The following TTC27 variants were observed in gnomAD, a reference collection of about 807,000 sequenced individuals.
The protein encoded by TTC27 is tetratricopeptide repeat domain 27.
In TTC27, 79 loss-of-function variants were observed where a neutral mutation model predicts 115.9. The ratio of observed to expected loss-of-function variants is 0.68; its 90% confidence interval spans 0.57 to 0.82. The LOEUF (loss-of-function observed/expected upper bound fraction) is 0.82. Ranked by LOEUF, TTC27 falls within the 40% of genes least tolerant of loss-of-function variation. TTC27 has a pLI of 0.00. For missense variants in TTC27, 1,054 were observed against 993.1 expected (o/e 1.06, Z -0.82); for synonymous variants, 401 against 356.0 (o/e 1.13, Z -1.42).
At chr2:32,756,899 G>C (rs924528044) in intron 12 of TTC27, among the ~76,000 whole-genome samples, 2 of 152,196 alleles carry the variant, frequency 1.3e-5, no homozygotes, top group Admixed American at 6.5e-5. Context: ...TGGACATGGT[G>C]GTGGGAGGAA....
At chr2:32,731,600 A>G (rs936569088) in intron 10 of TTC27, among the ~76,000 whole-genome samples, 1 of 151,984 alleles carries the variant, frequency 6.6e-6, no homozygotes. Flanking sequence ...GCTGGTCTTG[A>G]ACTCCAGGGC....
chr2:32,653,907 G>GAA (rs1665225849), intron 5 of TTC27, among the ~76,000 whole-genome samples: 4 of 152,294 alleles, frequency 2.6e-5, no homozygotes, highest in Admixed American at 2.6e-4. Flanking sequence ...TGTAAACCTT[G>GAA]AGTTATCTAT....
chr2:32,761,641 T>A (rs1450564807), intron 13 of TTC27, among the ~76,000 whole-genome samples: 1 of 152,176 alleles, frequency 6.6e-6, no homozygotes, highest in Non-Finnish European at 1.5e-5. Context: ...CTGCCTGGAA[T>A]GTCCTTCTTC....
intron 12 of TTC27, 71 bp from the exon 13 acceptor site, chr2:32,758,221 T>A (rs1023848267): frequency 1.5e-6 from 2 of 1,354,182 alleles, no homozygotes; most frequent in East Asian, 4.6e-5. Flanking sequence ...AGATTAAAGA[T>A]GTATATGTGC....
At chr2:32,628,533 G>A (rs554249843) in intron 1 of TTC27, among the ~76,000 whole-genome samples, 153 bp downstream of exon 1, 1 of 152,122 alleles carries the variant, frequency 6.6e-6, no homozygotes, top group Non-Finnish European at 1.5e-5. Flanking sequence ...GACATGGTGG[G>A]CGTGGTCCTC....
intron 12 of TTC27, among the ~76,000 whole-genome samples, chr2:32,738,366 T>C (rs899533124): frequency 3.9e-5 from 6 of 152,246 alleles, no homozygotes; most frequent in Non-Finnish European, 4.4e-5. Flanking sequence ...CGTACTCTAG[T>C]GCTTACCTCA....
intron 9 of TTC27, among the ~76,000 whole-genome samples, chr2:32,685,837 G>A (rs1666610241): frequency 6.6e-6 from 1 of 152,090 alleles, no homozygotes; most frequent in Non-Finnish European, 1.5e-5. Flanking sequence ...TCTTCTAGTT[G>A]AACTAGAATC....
intron 2 of TTC27, among the ~76,000 whole-genome samples, chr2:32,633,032 G>T (rs1171603352): frequency 1.3e-5 from 2 of 152,114 alleles, no homozygotes; most frequent in African/African-American, 4.8e-5. Context: ...TATATGTTTT[G>T]TTGTTGTTGT....
At chr2:32,677,322 A>G (rs2151887197) in intron 8 of TTC27, among the ~76,000 whole-genome samples, 1 of 151,868 alleles carries the variant, frequency 6.6e-6, no homozygotes, top group East Asian at 1.9e-4. Flanking sequence ...ATTATACACA[A>G]TATTGCTATG....
intron 2 of TTC27, among the ~76,000 whole-genome samples, chr2:32,632,671 AT>A (rs377675356): frequency 2.2e-3 from 327 of 145,848 alleles, no homozygotes; most frequent in African/African-American, 5.6e-3. Context: ...TGTATGTTTG[AT>A]TTTTTTTTTT....
chr2:32,774,029 C>A (rs566571472), intron 13 of TTC27, among the ~76,000 whole-genome samples: 5 of 152,086 alleles, frequency 3.3e-5, no homozygotes, highest in African/African-American at 4.8e-5. Flanking sequence ...GTGTTGAATT[C>A]ACATCTTTGA....
At chr2:32,818,943 T>C (rs1671595110) in intron 19 of TTC27, among the ~76,000 whole-genome samples, 1 of 152,202 alleles carries the variant, frequency 6.6e-6, no homozygotes, top group African/African-American at 2.4e-5. Flanking sequence ...TATTTCCTCC[T>C]AGCTTGGCAG....
At chr2:32,779,079 C>T (rs1424414821) in intron 14 of TTC27, among the ~76,000 whole-genome samples, 1 of 152,144 alleles carries the variant, frequency 6.6e-6, no homozygotes, top group Non-Finnish European at 1.5e-5. Context: ...TAAAAATTAG[C>T]TGGGCGTGAT....
intron 12 of TTC27, among the ~76,000 whole-genome samples, chr2:32,752,497 G>A (rs1370317060): frequency 3.9e-5 from 6 of 152,128 alleles, no homozygotes; most frequent in African/African-American, 1.2e-4. Context: ...TTAGCACTGC[G>A]AATCAAAAAT....
intron 16 of TTC27, among the ~76,000 whole-genome samples, chr2:32,796,434 A>G (rs1670704220): frequency 6.6e-6 from 1 of 152,226 alleles, no homozygotes; most frequent in Non-Finnish European, 1.5e-5. Context: ...AGGATACTCA[A>G]ATTACTGAAA....
chr2:32,660,920 T>C (rs1161446848), intron 5 of TTC27, among the ~76,000 whole-genome samples: 1 of 152,236 alleles, frequency 6.6e-6, no homozygotes, highest in Non-Finnish European at 1.5e-5. Flanking sequence ...TTTAAGTCTT[T>C]AATCCATCTT....
chr2:32,786,437 G>A (rs1226623626), intron 15 of TTC27, among the ~76,000 whole-genome samples: 9 of 152,120 alleles, frequency 5.9e-5, no homozygotes, highest in Non-Finnish European at 1.5e-5. Flanking sequence ...CACCATGCCT[G>A]GCCACCTTAA....
At chr2:32,646,356 A>G (rs1378142074) in intron 4 of TTC27, among the ~76,000 whole-genome samples, 1 of 151,650 alleles carries the variant, frequency 6.6e-6, no homozygotes, top group African/African-American at 2.4e-5. Flanking sequence ...TTTTGTAGAG[A>G]TGGGATCTCA....
At chr2:32,654,953 C>T (rs907765431) in intron 5 of TTC27, among the ~76,000 whole-genome samples, 1 of 151,168 alleles carries the variant, frequency 6.6e-6, no homozygotes, top group African/African-American at 2.4e-5. Flanking sequence ...TCCTCAGCCC[C>T]CCAAAGTGCT....
Sources: allele counts gnomAD v4.1 joint callset (sites outside exome capture counted in the v4.1 genomes callset), GRCh38; gene constraint gnomAD v4.1.1; transcripts MANE v1.5; gene names NCBI Gene and HGNC (gene_info 2026-07-23, HGNC 2026-07-21).